ADAMTSL1: variants seen among roughly 807,000 people sequenced by gnomAD.
The protein encoded by ADAMTSL1 is ADAMTS like 1, also known as ADAMTS-like protein 1.
In ADAMTSL1, 126 loss-of-function variants were observed where a neutral mutation model predicts 201.8. That is an observed-to-expected ratio of 0.62 (90% CI 0.54 to 0.72). The LOEUF (loss-of-function observed/expected upper bound fraction) is 0.72. ADAMTSL1 is among the 30% of genes least tolerant of loss of function. The probability of loss-of-function intolerance (pLI) is 0.00; values close to 1 mark genes in which losing one functional copy is unlikely to be tolerated. For synonymous variants in ADAMTSL1, 1,121 were observed against 903.4 expected (o/e 1.24, Z -4.32); for missense variants, 2,679 against 2,277.8 (o/e 1.18, Z -3.59).
intron 23 of ADAMTSL1, among the ~76,000 whole-genome samples, chr9:18,832,021 G>T (rs1825013699): frequency 6.6e-6 from 1 of 152,196 alleles, no homozygotes; most frequent in South Asian, 2.1e-4. Context: ...TGAAAAATGT[G>T]CAAGATATGT....
At chr9:17,990,958 G>T (rs923721703) in intron 1 of ADAMTSL1, among the ~76,000 whole-genome samples, 3 of 152,058 alleles carry the variant, frequency 2.0e-5, no homozygotes, top group Non-Finnish European at 4.4e-5. Flanking sequence ...TCGAATCTCA[G>T]TAACAAAGTA....
intron 2 of ADAMTSL1, among the ~76,000 whole-genome samples, chr9:18,204,567 G>C (rs1397664472): frequency 6.6e-6 from 1 of 152,168 alleles, no homozygotes; most frequent in Non-Finnish European, 1.5e-5. Context: ...GAGAAGTCCA[G>C]TGACTTTCAT....
At chr9:18,051,594 T>G (rs2131668376) in intron 1 of ADAMTSL1, among the ~76,000 whole-genome samples, 1 of 152,288 alleles carries the variant, frequency 6.6e-6, no homozygotes, top group African/African-American at 2.4e-5. Context: ...TAAGTGGGTA[T>G]TCTGCAAATA....
intron 2 of ADAMTSL1, among the ~76,000 whole-genome samples, chr9:18,166,549 A>C (rs919670073): frequency 1.6e-4 from 24 of 151,960 alleles, no homozygotes; most frequent in Admixed American, 2.0e-4. Context: ...ATATAGGTTT[A>C]TCATAAGTAA....
At chr9:18,114,352 A>G (rs2131892474) in intron 1 of ADAMTSL1, among the ~76,000 whole-genome samples, 1 of 152,298 alleles carries the variant, frequency 6.6e-6, no homozygotes, top group Non-Finnish European at 1.5e-5. Context: ...ATTCTAGAAA[A>G]TGAGTTTGAC....
intron 4 of ADAMTSL1, among the ~76,000 whole-genome samples, chr9:18,589,616 A>C (rs1026585868): frequency 4.6e-5 from 7 of 152,156 alleles, no homozygotes; most frequent in African/African-American, 1.4e-4. Context: ...ACTGTTTAAT[A>C]AAAGTGATGA....
At chr9:18,604,973 A>G (rs1229566577) in intron 4 of ADAMTSL1, among the ~76,000 whole-genome samples, 1 of 152,162 alleles carries the variant, frequency 6.6e-6, no homozygotes, top group Non-Finnish European at 1.5e-5. Context: ...AGCTAGGACA[A>G]TACCATTCCC....
chr9:18,649,736 C>T (rs79039994), intron 7 of ADAMTSL1, among the ~76,000 whole-genome samples: 11 of 152,118 alleles, frequency 7.2e-5, no homozygotes, highest in Non-Finnish European at 1.3e-4. Flanking sequence ...GCTGTCTGAT[C>T]GTTCCTCTGG....
intron 23 of ADAMTSL1, among the ~76,000 whole-genome samples, chr9:18,870,354 G>A (rs1044395216): frequency 1.3e-5 from 2 of 152,254 alleles, no homozygotes; most frequent in African/African-American, 4.8e-5. Context: ...ATGTTCCTCT[G>A]AAGAACATTT....
chr9:18,555,784 T>G (rs1049248987), intron 3 of ADAMTSL1, among the ~76,000 whole-genome samples: 1 of 151,790 alleles, frequency 6.6e-6, no homozygotes, highest in Non-Finnish European at 1.5e-5. Flanking sequence ...AGTGAAACAT[T>G]GAGAGAATGG....
intron 2 of ADAMTSL1, among the ~76,000 whole-genome samples, chr9:18,236,330 T>C (rs908024266): frequency 3.3e-5 from 5 of 152,160 alleles, no homozygotes; most frequent in African/African-American, 1.2e-4. Context: ...CACCTCAGCC[T>C]CCCAAAGTGC....
intron 1 of ADAMTSL1, among the ~76,000 whole-genome samples, chr9:17,976,472 A>G (rs1211179659): frequency 3.3e-5 from 5 of 151,732 alleles, no homozygotes; most frequent in Admixed American, 2.6e-4. Flanking sequence ...TAAGTATCAC[A>G]TTCTTTTTGA....
At chr9:18,236,863 A>G (rs1397287489) in intron 2 of ADAMTSL1, among the ~76,000 whole-genome samples, 2 of 152,202 alleles carry the variant, frequency 1.3e-5, no homozygotes, top group Non-Finnish European at 2.9e-5. Flanking sequence ...TAAATGTCTT[A>G]TCTTAAAGAA....
At chr9:18,474,100 A>G, upstream of ADAMTSL1, 4 of 413,572 alleles carry the variant, frequency 9.7e-6, no homozygotes, top group East Asian at 6.5e-5. Flanking sequence ...CTCGGTCAGG[A>G]AATGTGAGAG....
At chr9:18,871,211 T>C (rs1291493453) in intron 23 of ADAMTSL1, among the ~76,000 whole-genome samples, 1 of 152,212 alleles carries the variant, frequency 6.6e-6, no homozygotes, top group Non-Finnish European at 1.5e-5. Flanking sequence ...GGGAGCCTAT[T>C]ATTAGAAAAA....
At chr9:18,172,096 G>A in intron 2 of ADAMTSL1, among the ~76,000 whole-genome samples, 1 of 149,282 alleles carries the variant, frequency 6.7e-6, no homozygotes, top group Admixed American at 6.7e-5. Context: ...CATGGACACA[G>A]GGAGGAGAAC....
intron 2 of ADAMTSL1, among the ~76,000 whole-genome samples, chr9:18,320,663 G>A (rs578245578): frequency 7.2e-5 from 11 of 152,144 alleles, no homozygotes; most frequent in African/African-American, 1.2e-4. Context: ...ACATTACATT[G>A]TGAGGTGTAT....
intron 1 of ADAMTSL1, among the ~76,000 whole-genome samples, chr9:18,022,349 T>C (rs905669253): frequency 6.6e-6 from 1 of 152,164 alleles, no homozygotes; most frequent in Non-Finnish European, 1.5e-5. Flanking sequence ...TCCTGTATTG[T>C]TCTCCCTTTC....
intron 2 of ADAMTSL1, among the ~76,000 whole-genome samples, chr9:18,170,337 T>G (rs746613501): frequency 1.2e-4 from 19 of 152,018 alleles, no homozygotes; most frequent in Admixed American, 4.6e-4. Context: ...TACTAAGGGA[T>G]GTATATGTAT....
Sources: gnomAD v4.1 joint callset for allele counts (sites outside exome capture counted in the v4.1 genomes callset) on GRCh38, gnomAD v4.1.1 for gene constraint, MANE v1.5 for transcripts, NCBI Gene and HGNC (gene_info 2026-07-23, HGNC 2026-07-21) for gene names.